The following SMCO2 variants were observed in gnomAD, a reference collection of about 807,000 sequenced individuals.
SMCO2 encodes single-pass membrane and coiled-coil domain-containing protein 2.
Under a neutral mutation model 29.5 loss-of-function variants are expected in SMCO2, and 25 were observed. The ratio of observed to expected loss-of-function variants is 0.85; its 90% confidence interval spans 0.62 to 1.18. The LOEUF is 1.18. SMCO2 is among the 50% of genes most tolerant of loss of function. SMCO2 has a pLI of 0.00. For missense variants in SMCO2, 348 were observed against 344.5 expected, an observed-to-expected ratio of 1.01 and a Z score of -0.08; for synonymous variants, 117 against 123.3, an observed-to-expected ratio of 0.95 and a Z score of 0.34.
chr12:27,451,260 A>C, the SMCO2 span, among the ~76,000 whole-genome samples: 1 of 152,218 alleles, frequency 6.6e-6, no homozygotes, highest in Non-Finnish European at 1.5e-5. Context: ...AGGCTCTTTC[A>C]AGCCTCTAGT....
chr12:27,460,682 T>G, the SMCO2 span, among the ~76,000 whole-genome samples: 4 of 151,702 alleles, frequency 2.6e-5, no homozygotes, highest in East Asian at 1.9e-4. Context: ...ACACTCGGGG[T>G]AACTTTTATT....
At chr12:27,452,352 T>C in the SMCO2 span, among the ~76,000 whole-genome samples, 11 of 152,312 alleles carry the variant, frequency 7.2e-5, no homozygotes, top group East Asian at 2.1e-3. Context: ...CTCCCACTCC[T>C]TCACCCTCCT....
chr12:27,468,930 T>C (rs1001838315), intron 1 of SMCO2, among the ~76,000 whole-genome samples: 2 of 152,148 alleles, frequency 1.3e-5, no homozygotes, highest in African/African-American at 4.8e-5. Flanking sequence ...ACATAAGCCA[T>C]TGTTAGGATT....
chr12:27,430,985 CA>C, the SMCO2 span, among the ~76,000 whole-genome samples: 2 of 152,028 alleles, frequency 1.3e-5, no homozygotes, highest in East Asian at 3.9e-4. Context: ...ATTTCTTTTA[CA>C]AAAGATATTT....
In SMCO2 at chr12:27,472,878, A is replaced by G; in HGVS notation, c.234+3A>G. On this transcript the variant is annotated splice_donor_region_variant and intron_variant, in intron 3 of 7. Transcript: ENST00000298876. ...CTCAAACTGACTTCCTTCACAAGGT[A>G]GACACTGAAAAATGGGTAAGAGAGA... 6.5e-7 allele frequency: 1 copy of G among 1,548,808 alleles called. No homozygotes were observed. The highest frequency in any genetic ancestry group is 8.7e-7 in the Non-Finnish European group (1 of 1,144,994).
At position 27,477,804 on chromosome 12, in the gene SMCO2, T is replaced by A. The variant is rs116901460; in HGVS notation, c.362+2891T>A. Reference sequence around the variant, plus strand: ...TTTCTGTTTGACTCAGATTATGAATTGTTTTCTTGACTTCTTTGTATTGCT... The same window carrying A: ...TTTCTGTTTGACTCAGATTATGAATAGTTTTCTTGACTTCTTTGTATTGCT... On this transcript the variant is annotated intron_variant, in intron 4 of 7. Coordinates refer to ENST00000298876, the Ensembl canonical transcript of SMCO2. Among the ~76,000 whole-genome samples the A allele has an allele frequency of 8.5e-3, 1,287 of 152,208 alleles. 9 individuals carry two copies. Among genetic ancestry groups the A allele is most frequent in the Admixed American group, 0.014 (207 of 15,292 alleles).
the SMCO2 span, among the ~76,000 whole-genome samples, chr12:27,439,432 G>A: frequency 3.3e-5 from 5 of 152,104 alleles, no homozygotes; most frequent in East Asian, 1.9e-4. Flanking sequence ...ATGCAAAGAC[G>A]TAGACATATA....
intron 7 of SMCO2, among the ~76,000 whole-genome samples, chr12:27,498,901 A>G (rs1252893835): frequency 4.0e-5 from 6 of 150,568 alleles, no homozygotes; most frequent in Non-Finnish European, 8.8e-5. Context: ...ACCACTTAAC[A>G]TCCACTAAGA....
the SMCO2 span, among the ~76,000 whole-genome samples, chr12:27,450,960 A>AG: frequency 3.9e-5 from 6 of 152,204 alleles, no homozygotes; most frequent in Non-Finnish European, 8.8e-5. Flanking sequence ...AAATTTTAGA[A>AG]GCTTTAGGAG....
chr12:27,454,951 T>A, the SMCO2 span, among the ~76,000 whole-genome samples: 1 of 152,250 alleles, frequency 6.6e-6, no homozygotes, highest in Non-Finnish European at 1.5e-5. Context: ...GAGCACCATT[T>A]TTAATAGCTG....
the SMCO2 span, among the ~76,000 whole-genome samples, chr12:27,461,600 G>A: frequency 6.6e-6 from 1 of 152,202 alleles, no homozygotes; most frequent in Non-Finnish European, 1.5e-5. Context: ...TGGCTGTATA[G>A]ATATGACGAT....
exon 7 of SMCO2, chr12:27,495,800 C>T (rs1307808541): frequency 2.6e-6 from 4 of 1,537,196 alleles, no homozygotes; most frequent in Non-Finnish European, 3.5e-6. Flanking sequence ...GGCCCTGCTT[C>T]CTCAGGCCCC....
At chr12:27,471,260 GTT>G (rs1949538726) in intron 2 of SMCO2, among the ~76,000 whole-genome samples, 1 of 152,166 alleles carries the variant, frequency 6.6e-6, no homozygotes, top group South Asian at 2.1e-4. Flanking sequence ...TATCAAAGAT[GTT>G]CTTAAATGCA....
At chr12:27,424,236 G>T in the SMCO2 span, 1 of 152,082 alleles carries the variant, frequency 6.6e-6, no homozygotes, top group Non-Finnish European at 1.5e-5. Context: ...ATACCATAAG[G>T]ATATTTTTCC....
At chr12:27,467,194 G>T (rs1284541826) in intron 1 of SMCO2, among the ~76,000 whole-genome samples, 1 of 152,032 alleles carries the variant, frequency 6.6e-6, no homozygotes, top group Non-Finnish European at 1.5e-5. Context: ...TAAAATAGTT[G>T]ATTGTTCCTT....
chr12:27,464,484 G>C (rs996076136), upstream of SMCO2, among the ~76,000 whole-genome samples: 1 of 151,976 alleles, frequency 6.6e-6, no homozygotes, highest in Admixed American at 6.6e-5. Flanking sequence ...TGAGGCAGGA[G>C]GATTGCTTGA....
chr12:27,444,704 G>A, the SMCO2 span, among the ~76,000 whole-genome samples: 7 of 152,304 alleles, frequency 4.6e-5, no homozygotes, highest in Non-Finnish European at 5.9e-5. Flanking sequence ...CTACAAGGAC[G>A]TGGAGAAAGG....
At chr12:27,457,920 C>T in the SMCO2 span, among the ~76,000 whole-genome samples, 1 of 152,186 alleles carries the variant, frequency 6.6e-6, no homozygotes, top group Non-Finnish European at 1.5e-5. Context: ...AATCTGTATT[C>T]TATCTCATTC....
At chr12:27,448,405 T>G in the SMCO2 span, among the ~76,000 whole-genome samples, 1 of 152,232 alleles carries the variant, frequency 6.6e-6, no homozygotes, top group African/African-American at 2.4e-5. Context: ...TACTACTTGT[T>G]GAAATAGAAA....
Sources: gnomAD v4.1 joint callset for allele counts (sites outside exome capture counted in the v4.1 genomes callset) on GRCh38, gnomAD v4.1.1 for gene constraint, MANE v1.5 for transcripts, NCBI Gene and HGNC (gene_info 2026-07-23, HGNC 2026-07-21) for gene names.